The following FBXO27 variants were observed in gnomAD, a reference collection of about 807,000 sequenced individuals.
FBXO27 encodes F-box protein 27.
A neutral mutation model predicts 28.3 loss-of-function variants in FBXO27; 28 were observed. The observed-to-expected ratio is 0.99, with a 90% CI of 0.73 to 1.36. The LOEUF (loss-of-function observed/expected upper bound fraction) is 1.36. Ranked by LOEUF, FBXO27 falls within the 40% of genes most tolerant of loss-of-function variation. The pLI, the probability that FBXO27 is intolerant of heterozygous loss-of-function variation, is 0.00. For missense variants in FBXO27, 388 were observed against 394.1 expected, an observed-to-expected ratio of 0.98 and a Z score of 0.13; for synonymous variants, 175 against 167.3, an observed-to-expected ratio of 1.05 and a Z score of -0.36.
At chr19:39,007,069 A>AAAC (rs1555756531) in intron 2 of FBXO27, among the ~76,000 whole-genome samples, 1 of 149,928 alleles carries the variant, frequency 6.7e-6, no homozygotes, top group East Asian at 1.9e-4. Context: ...AAAAAAAAAA[A>AAAC]AAAAAAAAAT....
chr19:39,006,549 A>G (rs1334941707), intron 2 of FBXO27, among the ~76,000 whole-genome samples: 2 of 152,032 alleles, frequency 1.3e-5, no homozygotes, highest in African/African-American at 4.8e-5. Flanking sequence ...ACAAGAGCGA[A>G]ACTCCTTCTC....
At chr19:39,019,482 C>A (rs529023693), downstream of FBXO27, among the ~76,000 whole-genome samples, 27 of 118,090 alleles carry the variant, frequency 2.3e-4, no homozygotes, top group African/African-American at 5.8e-4. Context: ...GAAAGACATA[C>A]CTATAGACTC....
rs1466968563 is a variant in FBXO27, at chr19:39,031,987, C to T, written c.241G>A (p.Ala81Thr). 6.6e-7 allele frequency: 1 copy of T among 1,519,336 alleles called. No homozygotes were observed. The highest frequency in any genetic ancestry group is 8.7e-7 in the Non-Finnish European group (1 of 1,143,544). The allele number at this position is 1,519,336 out of a possible 1,614,324, so 94.1% of individuals were successfully genotyped here. ...LARDHGATGR[A>T]LLHLARSCQS... ...CAGCTGCGGGCGAGGTGCAGCAGCG[C>T]GCGGCCGGTGGCGCCGTGGTCGCGG... Residue 81 changes from alanine (A) to threonine (T), a missense_variant, in exon 2 of 6, where the codon GCG becomes ACG. Transcript: ENST00000292853.
intron 2 of FBXO27, among the ~76,000 whole-genome samples, chr19:39,011,347 G>T (rs2072792985): frequency 6.6e-6 from 1 of 152,168 alleles, no homozygotes; most frequent in African/African-American, 2.4e-5. Context: ...CATGAGAATT[G>T]CTTGAACCTG....
intron 2 of FBXO27, among the ~76,000 whole-genome samples, chr19:39,011,608 T>G (rs1220195599): frequency 1.3e-5 from 2 of 152,092 alleles, no homozygotes; most frequent in Admixed American, 1.3e-4. Context: ...GTAGAATTGT[T>G]TTCTTAATTT....
intron 5 of FBXO27, among the ~76,000 whole-genome samples, chr19:39,026,486 T>A (rs1383781023): frequency 6.6e-6 from 1 of 152,142 alleles, no homozygotes; most frequent in East Asian, 1.9e-4. Context: ...GTCATTGATT[T>A]TTTTTTTAGA....
At chr19:39,023,309 T>C (rs1486208389), downstream of FBXO27, among the ~76,000 whole-genome samples, 1 of 152,172 alleles carries the variant, frequency 6.6e-6, no homozygotes, top group Non-Finnish European at 1.5e-5. Context: ...GCCAACTGTG[T>C]ATGTTTATCT....
chr19:39,026,701 TG>T (rs1295891901), intron 5 of FBXO27, among the ~76,000 whole-genome samples, 168 bp downstream of exon 5: 1 of 152,206 alleles, frequency 6.6e-6, no homozygotes, highest in Non-Finnish European at 1.5e-5. Flanking sequence ...CTTGAACTCC[TG>T]ACCTTGTGAT....
Position 39,032,365 on chromosome 19 carries a change from C to G in FBXO27, c.-26-112G>C. The G allele has an allele frequency of 8.0e-7, 1 of 1,243,760 alleles. No homozygotes were observed. The highest frequency in any genetic ancestry group is 1.0e-6 in the Non-Finnish European group (1 of 958,070). The allele number at this position is 1,243,760 out of a possible 1,614,324, so 77.0% of individuals were successfully genotyped here. A position where few individuals can be genotyped will look rare whatever the true frequency, so the allele number is the denominator to read the frequency against. On this transcript the variant is annotated intron_variant, in intron 1 of 5. Coordinates refer to ENST00000292853, the MANE Select transcript of FBXO27 (RefSeq NM_178820.5). This position sits in a 1 kb window ranked among gnomAD's most constrained non-coding sequence, Gnocchi z 4.7. ...CCCCGTCTTCACCATCCCTGGGCCC[C>G]GTCCCCAAGTCCCCATCCCCCAGCC...
chr19:39,019,832 A>G (rs538384869), downstream of FBXO27, among the ~76,000 whole-genome samples: 1 of 151,972 alleles, frequency 6.6e-6, no homozygotes, highest in East Asian at 1.9e-4. Flanking sequence ...GCTCACTGCA[A>G]CCTCCGCCTC....
chr19:39,019,839 C>A (rs1312847823), downstream of FBXO27, among the ~76,000 whole-genome samples: 1 of 152,070 alleles, frequency 6.6e-6, no homozygotes. Flanking sequence ...GCAACCTCCG[C>A]CTCCTGGGTT....
At chr19:39,017,893 T>C (rs76758260) in intron 1 of FBXO27, among the ~76,000 whole-genome samples, 17,811 of 152,122 alleles carry the variant, frequency 0.12, 1,187 homozygotes, top group African/African-American at 0.15. Flanking sequence ...GAAACTCCCA[T>C]GGATCCCAAA....
chr19:39,030,764 G>A (rs1427745825), intron 4 of FBXO27: 5 of 481,886 alleles, frequency 1.0e-5, no homozygotes, highest in Non-Finnish European at 1.5e-5. Context: ...TACCAGGCCC[G>A]GCTAATTTTT....
At chr19:39,012,629 T>TTCCTTC (rs1568457306) in intron 2 of FBXO27, among the ~76,000 whole-genome samples, 1 of 151,042 alleles carries the variant, frequency 6.6e-6, no homozygotes, top group Non-Finnish European at 1.5e-5. Context: ...AATTCTAAAT[T>TTCCTTC]TTCTTCTTTT....
intron 1 of FBXO27, among the ~76,000 whole-genome samples, chr19:39,018,819 A>G (rs546733466): frequency 6.6e-6 from 1 of 152,278 alleles, no homozygotes; most frequent in East Asian, 1.9e-4. Context: ...CTGGAATCCC[A>G]GCACTTTGGG....
At chr19:39,030,144 C>A (rs1230543649) in intron 4 of FBXO27, among the ~76,000 whole-genome samples, 1 of 152,030 alleles carries the variant, frequency 6.6e-6, no homozygotes, top group Non-Finnish European at 1.5e-5. Flanking sequence ...GCCCAGACTG[C>A]CATCTCCCCT....
chr19:39,025,030 T>G lies in FBXO27; in HGVS notation c.*381A>C. Reference sequence around the variant, plus strand: ...GGCAGAAACAACAGGAGACAAGAGGTCAGTGGTGCGGAGGGGAGGGGATGG... The same window carrying G: ...GGCAGAAACAACAGGAGACAAGAGGGCAGTGGTGCGGAGGGGAGGGGATGG... On this transcript the variant is annotated 3_prime_UTR_variant, in exon 6 of 6. Transcript: ENST00000292853. 5.6e-6 allele frequency: 1 copy of G among 179,098 alleles called. No homozygotes were observed. The allele number at this position is 179,098 out of a possible 1,614,324, so 11.1% of individuals were successfully genotyped here.
chr19:39,032,293 C>A lies in FBXO27; in HGVS notation c.-26-40G>T. ...GGGTCAAGGCGTCAGGGACCAGCAG[C>A]CTCCGCGGCGCGCAGCCTCTGCCTG... On this transcript the variant is annotated intron_variant, in intron 1 of 5. Transcript: ENST00000292853. This position sits in a 1 kb window ranked among gnomAD's most constrained non-coding sequence, Gnocchi z 4.7. The A allele has an allele frequency of 7.3e-7, 1 of 1,374,662 alleles. No homozygotes were observed. Among genetic ancestry groups the A allele is most frequent in the Non-Finnish European group, 9.3e-7 (1 of 1,076,502 alleles). 85.2% of individuals were successfully genotyped at this position (1,374,662 alleles called of 1,614,324 possible).
intron 1 of FBXO27, among the ~76,000 whole-genome samples, chr19:39,018,569 G>C (rs763524208): frequency 3.6e-4 from 54 of 152,072 alleles, no homozygotes; most frequent in Non-Finnish European, 7.1e-4. Context: ...CCAAGAAGTA[G>C]ACAAGTCATG....
Sources: gnomAD v4.1 joint callset for allele counts (sites outside exome capture counted in the v4.1 genomes callset) on GRCh38, gnomAD v4.1.1 for gene constraint, Gnocchi (gnomAD v3.1) non-coding constraint, MANE v1.5 for transcripts, NCBI Gene and HGNC (gene_info 2026-07-23, HGNC 2026-07-21) for gene names.